The following PTPRN2 variants were observed in gnomAD, a reference collection of about 807,000 sequenced individuals.
PTPRN2 encodes the protein receptor-type tyrosine-protein phosphatase N2.
A neutral mutation model predicts 118.8 loss-of-function variants in PTPRN2; 74 were observed. The ratio of observed to expected loss-of-function variants is 0.62; its 90% CI spans 0.52 to 0.76. PTPRN2 has a LOEUF of 0.76. Among genes scored for constraint, PTPRN2 ranks in the 30% least tolerant of loss-of-function variants. The probability of loss-of-function intolerance (pLI) is 0.00; values close to 1 mark genes in which losing one functional copy is unlikely to be tolerated. For missense variants in PTPRN2, 1,481 were observed against 1,394.4 expected (o/e 1.06, Z -0.99); for synonymous variants, 641 against 608.0 (o/e 1.05, Z -0.80).
intron 21 of PTPRN2, among the ~76,000 whole-genome samples, chr7:157,562,617 C>G (rs532343834): frequency 1.3e-5 from 2 of 152,292 alleles, no homozygotes; most frequent in Admixed American, 6.5e-5. Flanking sequence ...CCACAAAACA[C>G]GATTCGACAA....
rs150954706 is a variant in PTPRN2 at position 158,571,706 on chromosome 7, C to T, written c.112+15852G>A. On this transcript the variant is annotated intron_variant, in intron 1 of 22. Coordinates refer to ENST00000389418, the MANE Select transcript of PTPRN2 (RefSeq NM_002847.5). ...ATGTTGGCATACTTCTGGGGTCTTG[C>T]GTTACTTCTCCCCTGATTCTTCAAA... is the stretch of plus-strand genomic sequence containing the variant. Among the ~76,000 whole-genome samples the T allele has an allele frequency of 3.1e-3, 463 of 151,654 alleles. 3 individuals are homozygous for T. The highest frequency in any genetic ancestry group is 9.6e-3 in the African/African-American group (396 of 41,356).
chr7:157,954,793 A>G (rs1255438414), intron 11 of PTPRN2, among the ~76,000 whole-genome samples: 2 of 152,186 alleles, frequency 1.3e-5, no homozygotes, highest in Non-Finnish European at 2.9e-5. Flanking sequence ...GAAAGCACAG[A>G]AGTTCTTTCT....
intron 2 of PTPRN2, among the ~76,000 whole-genome samples, chr7:158,404,783 C>A (rs1353276752): frequency 1.4e-5 from 2 of 141,924 alleles, no homozygotes; most frequent in Non-Finnish European, 3.1e-5. Context: ...GCCCCCAGCT[C>A]TCCGGCCTCC....
intron 2 of PTPRN2, among the ~76,000 whole-genome samples, chr7:158,399,295 G>A (rs1812766404): frequency 6.6e-6 from 1 of 152,206 alleles, no homozygotes; most frequent in African/African-American, 2.4e-5. Flanking sequence ...ACCCTGCTGA[G>A]CAGTTTCACT....
At chr7:158,103,967 A>C (rs906204190) in intron 10 of PTPRN2, among the ~76,000 whole-genome samples, 1 of 152,066 alleles carries the variant, frequency 6.6e-6, no homozygotes, top group Non-Finnish European at 1.5e-5. Context: ...GGTTCAAGCA[A>C]TTCTCTGCCT....
chr7:158,577,928 T>A (rs919986393), intron 1 of PTPRN2, among the ~76,000 whole-genome samples: 1 of 151,878 alleles, frequency 6.6e-6, no homozygotes, highest in African/African-American at 2.4e-5. Flanking sequence ...CCCCTTGCCA[T>A]CCCCACAGGC....
intron 11 of PTPRN2, among the ~76,000 whole-genome samples, chr7:158,040,950 C>T (rs1554519671): frequency 6.6e-6 from 1 of 152,176 alleles, no homozygotes; most frequent in Non-Finnish European, 1.5e-5. Context: ...CAAGGCTGGT[C>T]TTGAACTCCT....
rs577875325 is a variant in PTPRN2 at position 157,825,763 on chromosome 7, G to A, written c.1788+72910C>T. Among the ~76,000 whole-genome samples, 10 of 152,260 alleles carry A rather than the reference G, an allele frequency of 6.6e-5. No individual in the cohort carries two copies. In the South Asian group the frequency reaches 1.7e-3, roughly 25 times the overall value. On this transcript the variant is annotated intron_variant, in intron 12 of 22. Coordinates refer to ENST00000389418, the MANE Select transcript of PTPRN2 (RefSeq NM_002847.5). Reference sequence around the variant, plus strand: ...ATCTGAGAAAACCTGGCTGGATCCCGGGGGAGCAGCAGCGCTGGCCCCAGC... The same window carrying A: ...ATCTGAGAAAACCTGGCTGGATCCCAGGGGAGCAGCAGCGCTGGCCCCAGC...
chr7:158,543,228 CT>C (rs1479151967), intron 1 of PTPRN2, among the ~76,000 whole-genome samples: 1 of 152,210 alleles, frequency 6.6e-6, no homozygotes, highest in Admixed American at 6.5e-5. Context: ...CGGAGCTCAC[CT>C]TAGTGGGTTC....
At chr7:158,561,922 G>A (rs1164233470) in intron 1 of PTPRN2, among the ~76,000 whole-genome samples, 1 of 152,156 alleles carries the variant, frequency 6.6e-6, no homozygotes, top group Non-Finnish European at 1.5e-5. Flanking sequence ...AGCAAGCGTG[G>A]TCCCCAAGAA....
intron 11 of PTPRN2, among the ~76,000 whole-genome samples, chr7:158,021,418 T>C (rs1806860973): frequency 6.6e-6 from 1 of 152,190 alleles, no homozygotes. Context: ...TCATCAGTGA[T>C]GCCGGCAAAA....
chr7:157,734,419 G>A (rs1179726754), intron 12 of PTPRN2, among the ~76,000 whole-genome samples: 1 of 152,242 alleles, frequency 6.6e-6, no homozygotes, highest in Admixed American at 6.5e-5. Flanking sequence ...ACCCAATTCA[G>A]CTTTTCAAAC....
At chr7:158,124,221 G>A (rs10277112) in intron 9 of PTPRN2, among the ~76,000 whole-genome samples, 44,275 of 152,138 alleles carry the variant, frequency 0.29, 7,512 homozygotes, top group Middle Eastern at 0.45. Context: ...AAGAAGTGCC[G>A]CCAATGCCAA....
At chr7:158,476,458 C>T (rs1193005535) in intron 2 of PTPRN2, among the ~76,000 whole-genome samples, 1 of 152,276 alleles carries the variant, frequency 6.6e-6, no homozygotes, top group Non-Finnish European at 1.5e-5. Flanking sequence ...GTTGCCAGCA[C>T]ATGAATGACT....
At chr7:158,188,726 G>A (rs1475989681) in intron 5 of PTPRN2, among the ~76,000 whole-genome samples, 32 of 146,792 alleles carry the variant, frequency 2.2e-4, no homozygotes, top group African/African-American at 7.4e-4. Flanking sequence ...GGGGAAGGCC[G>A]CCACGCTCGC....
chr7:158,146,905 G>T (rs1261090275), intron 6 of PTPRN2, among the ~76,000 whole-genome samples: 1 of 151,644 alleles, frequency 6.6e-6, no homozygotes, highest in Non-Finnish European at 1.5e-5. Context: ...AAGATCCTGT[G>T]AAGAGACTGA....
chr7:158,192,504 G>T lies in PTPRN2; in HGVS notation c.381-9C>A. 6.4e-7 allele frequency: 1 copy of T among 1,573,740 alleles called. No individual in the cohort carries two copies. On this transcript the variant is annotated splice_polypyrimidine_tract_variant and intron_variant, in intron 4 of 22. Transcript: ENST00000389418. ...CGCTGTGTTTTGAGGGCCTGAAAAA[G>T]CAAAAGAAACCAGACATCAACCGCA...
chr7:158,450,985 C>T (rs1818060021), intron 2 of PTPRN2, among the ~76,000 whole-genome samples: 1 of 152,226 alleles, frequency 6.6e-6, no homozygotes, highest in South Asian at 2.1e-4. Flanking sequence ...CTTCCAGGAA[C>T]TCCCCGCCCC....
intron 6 of PTPRN2, among the ~76,000 whole-genome samples, chr7:158,166,304 TC>T (rs75208712): frequency 0.4 from 3,285 of 8,240 alleles, 1,413 homozygotes; most frequent in African/African-American, 0.73. Context: ...CATCTCCTCC[TC>T]CCCCCCGGCC....
Sources: allele counts gnomAD v4.1 joint callset (sites outside exome capture counted in the v4.1 genomes callset), GRCh38; gene constraint gnomAD v4.1.1; transcripts MANE v1.5; gene names NCBI Gene and HGNC (gene_info 2026-07-23, HGNC 2026-07-21).